Variants in SNX29 observed in about 807,000 individuals in gnomAD.
The protein encoded by SNX29 is sorting nexin-29.
In SNX29, 78 loss-of-function variants were observed where a neutral mutation model predicts 102.1. That is an observed-to-expected ratio of 0.76 (90% CI 0.64 to 0.92). SNX29 has a LOEUF of 0.92. Among genes scored for constraint, SNX29 ranks in the 40% least tolerant of loss-of-function variants. The pLI is 0.00. For missense variants in SNX29, 1,280 were observed against 1,061.7 expected (o/e 1.21, Z -2.86); for synonymous variants, 580 against 414.5 (o/e 1.40, Z -4.85).
intron 19 of SNX29, among the ~76,000 whole-genome samples, chr16:12,492,066 G>A (rs1021702102): frequency 3.0e-4 from 45 of 152,284 alleles, no homozygotes; most frequent in African/African-American, 9.9e-4. Context: ...GGCTGGGTCA[G>A]ATGGTATTTC....
intron 18 of SNX29, among the ~76,000 whole-genome samples, chr16:12,444,833 T>C (rs923633657): frequency 1.3e-5 from 1 of 78,998 alleles, no homozygotes; most frequent in Non-Finnish European, 2.2e-5. Flanking sequence ...CTCGACAGTG[T>C]TTTTTTTTGT....
chr16:12,555,602 C>T (rs1314821563), intron 20 of SNX29, among the ~76,000 whole-genome samples: 1 of 151,868 alleles, frequency 6.6e-6, no homozygotes, highest in African/African-American at 2.4e-5. Context: ...CCAGCAGCTG[C>T]CCTTAGTCCA....
At chr16:12,196,622 C>CTTTTTTT (rs34779383) in intron 13 of SNX29, among the ~76,000 whole-genome samples, 28 of 129,640 alleles carry the variant, frequency 2.2e-4, no homozygotes, top group Middle Eastern at 4.3e-3. Flanking sequence ...TTTCTTTTTT[C>CTTTTTTT]TTTTTTTTTT....
chr16:12,500,706 T>C (rs971153738), intron 19 of SNX29, among the ~76,000 whole-genome samples: 2 of 152,226 alleles, frequency 1.3e-5, no homozygotes, highest in African/African-American at 2.4e-5. Flanking sequence ...ATCTGAGAGC[T>C]TGTCGGATGT....
intron 14 of SNX29, among the ~76,000 whole-genome samples, chr16:12,229,092 G>A (rs931039056): frequency 6.6e-6 from 1 of 152,240 alleles, no homozygotes. Context: ...CTGCCAGGAT[G>A]TACCTTGCCC....
At chr16:12,486,321 C>G (rs1371213381) in intron 19 of SNX29, among the ~76,000 whole-genome samples, 1 of 152,190 alleles carries the variant, frequency 6.6e-6, no homozygotes, top group Admixed American at 6.5e-5. Context: ...AATTTCACCT[C>G]CTCTGCAGTG....
intron 20 of SNX29, chr16:12,546,164 G>A (rs1005476268): frequency 3.9e-5 from 6 of 152,150 alleles, no homozygotes; most frequent in African/African-American, 1.2e-4. Context: ...TGGTAACATA[G>A]GGATGGGCAC....
intron 2 of SNX29, among the ~76,000 whole-genome samples, chr16:11,999,591 T>A (rs2056213330): frequency 6.6e-6 from 1 of 152,174 alleles, no homozygotes; most frequent in Admixed American, 6.5e-5. Flanking sequence ...ACCCCATCCG[T>A]CAGTGATGTC....
chr16:12,195,472 C>G (rs2076750021), intron 13 of SNX29, among the ~76,000 whole-genome samples: 1 of 152,190 alleles, frequency 6.6e-6, no homozygotes, highest in African/African-American at 2.4e-5. Flanking sequence ...TCACCAACTG[C>G]TTACATTTAT....
chr16:12,353,144 G>A (rs911417216), intron 15 of SNX29, among the ~76,000 whole-genome samples: 1 of 152,164 alleles, frequency 6.6e-6, no homozygotes, highest in African/African-American at 2.4e-5. Flanking sequence ...GATGTGAACT[G>A]TGTGGCTCTC....
intron 14 of SNX29, among the ~76,000 whole-genome samples, chr16:12,210,299 C>T (rs959418503): frequency 1.7e-4 from 25 of 149,180 alleles, no homozygotes; most frequent in African/African-American, 6.1e-4. Context: ...TCGTTTTGCA[C>T]TCAAGGGACT....
At chr16:12,121,792 A>G (rs184452479) in intron 11 of SNX29, among the ~76,000 whole-genome samples, 78 of 152,028 alleles carry the variant, frequency 5.1e-4, no homozygotes, top group African/African-American at 1.7e-3. Flanking sequence ...GGGTTTGTTT[A>G]TTTATTCATT....
chr16:12,443,053 G>T (rs1387551347), intron 18 of SNX29: 3 of 455,800 alleles, frequency 6.6e-6, no homozygotes, highest in Non-Finnish European at 1.3e-5. Context: ...CAGCCAGCAG[G>T]CCAGGCGTCC....
chr16:12,507,935 G>T (rs910418470), intron 19 of SNX29, among the ~76,000 whole-genome samples: 2 of 152,148 alleles, frequency 1.3e-5, no homozygotes, highest in African/African-American at 4.8e-5. Context: ...AGCTTTTGCA[G>T]ACCTCTCCTG....
intron 18 of SNX29, among the ~76,000 whole-genome samples, chr16:12,445,682 C>G (rs2086016317): frequency 6.6e-6 from 1 of 152,234 alleles, no homozygotes; most frequent in Non-Finnish European, 1.5e-5. Flanking sequence ...CAGAACTTCT[C>G]TTTCTGCAGC....
At chr16:12,199,762 C>A (rs2076867967) in intron 14 of SNX29, 79 bp downstream of exon 14, 1 of 1,162,550 alleles carries the variant, frequency 8.6e-7, no homozygotes, top group Non-Finnish European at 1.3e-6. Flanking sequence ...AATAGACACT[C>A]AATGTGTGAC....
rs369636884 is a variant in SNX29, at chr16:12,013,145, C to A, written c.122+10102C>A. 6.3e-4 allele frequency among the ~76,000 whole-genome samples: 96 copies of A among 151,494 alleles called. 1 individual carries two copies. Among genetic ancestry groups the A allele is most frequent in the East Asian group, 3.2e-3 (16 of 4,978 alleles). ...GAGCCTTGATGAGATTCAGTGATTA[C>A]CCAGATGTGGAGGTTGAGAAATAAT... On this transcript the variant is annotated intron_variant, in intron 3 of 20. Transcript: ENST00000566228.
At chr16:12,119,153 A>G (rs2053867528) in intron 11 of SNX29, among the ~76,000 whole-genome samples, 1 of 152,182 alleles carries the variant, frequency 6.6e-6, no homozygotes, top group Admixed American at 6.5e-5. Flanking sequence ...TCAACAACTC[A>G]GGACTGGTGG....
intron 18 of SNX29, among the ~76,000 whole-genome samples, chr16:12,453,571 G>A (rs1364884211): frequency 6.6e-6 from 1 of 151,872 alleles, no homozygotes; most frequent in African/African-American, 2.4e-5. Context: ...TTAAGAAATG[G>A]GGTCTCACTG....
Sources: gnomAD v4.1 joint callset for allele counts (sites outside exome capture counted in the v4.1 genomes callset) on GRCh38, gnomAD v4.1.1 for gene constraint, MANE v1.5 for transcripts, NCBI Gene and HGNC (gene_info 2026-07-23, HGNC 2026-07-21) for gene names.